BRI3: variants seen among roughly 807,000 people sequenced by gnomAD.
BRI3 encodes the protein brain protein I3.
In BRI3, 6 loss-of-function variants were observed where a neutral mutation model predicts 12.8. The observed-to-expected ratio is 0.47, with a 90% CI of 0.26 to 0.93. BRI3 has a LOEUF of 0.93. Among genes scored for constraint, BRI3 ranks in the 40% least tolerant of loss-of-function variants. The pLI is 0.15. For missense variants in BRI3, 134 were observed against 171.1 expected, an observed-to-expected ratio of 0.78 and a Z score of 1.21; for synonymous variants, 91 against 76.1, an observed-to-expected ratio of 1.20 and a Z score of -1.02.
upstream of BRI3, chr7:98,304,143 A>G (rs1352600851): frequency 7.4e-6 from 11 of 1,484,652 alleles, no homozygotes; most frequent in Non-Finnish European, 9.9e-6. Flanking sequence ...TGCGCCTCCC[A>G]GTCGGGGATG....
At chr7:98,319,309 T>G in the BRI3 span, among the ~76,000 whole-genome samples, 16 of 152,078 alleles carry the variant, frequency 1.1e-4, no homozygotes, top group African/African-American at 3.9e-4. Flanking sequence ...TGGACAAAAG[T>G]GGATAGAGAA....
At chr7:98,293,821 C>T (rs1800069102), downstream of BRI3, among the ~76,000 whole-genome samples, 2 of 152,230 alleles carry the variant, frequency 1.3e-5, no homozygotes, top group South Asian at 2.1e-4. Flanking sequence ...GCGTTCTGGA[C>T]GTGGGCACCC....
chr7:98,322,220 G>C, the BRI3 span, among the ~76,000 whole-genome samples: 16 of 152,266 alleles, frequency 1.1e-4, no homozygotes, highest in African/African-American at 3.6e-4. Flanking sequence ...CCTCGGCTAT[G>C]ATCACCATAC....
At chr7:98,312,300 A>T (rs750628820), downstream of BRI3, 2 of 1,568,624 alleles carry the variant, frequency 1.3e-6, no homozygotes, top group East Asian at 2.3e-5. Context: ...AAGACAAAGA[A>T]GATTGTCTGA....
downstream of BRI3, among the ~76,000 whole-genome samples, chr7:98,314,296 A>T (rs1021893024): frequency 6.6e-6 from 1 of 152,158 alleles, no homozygotes; most frequent in Admixed American, 6.6e-5. Context: ...AATATTCCTT[A>T]AAGTTGTAAA....
downstream of BRI3, among the ~76,000 whole-genome samples, chr7:98,296,181 TC>T (rs1313201434): frequency 1.3e-5 from 2 of 151,784 alleles, no homozygotes; most frequent in Admixed American, 6.6e-5. Context: ...GCTTGGGGAG[TC>T]TGGTGTTGGA....
At chr7:98,284,705 G>A (rs1489709291) in intron 2 of BRI3, among the ~76,000 whole-genome samples, 1 of 152,230 alleles carries the variant, frequency 6.6e-6, no homozygotes, top group Non-Finnish European at 1.5e-5. Flanking sequence ...AGAGAAGCCC[G>A]TGTCCCTTGT....
downstream of BRI3, chr7:98,292,246 AAC>A (rs1237658737): frequency 1.1e-4 from 27 of 255,372 alleles, no homozygotes; most frequent in Non-Finnish European, 1.9e-4. Context: ...AGCACCCAGC[AAC>A]ACACACGGTG....
intron 2 of BRI3, among the ~76,000 whole-genome samples, chr7:98,285,917 C>T (rs1010445593): frequency 2.6e-5 from 4 of 152,280 alleles, no homozygotes; most frequent in East Asian, 1.9e-4. Context: ...CCCTGCGTCT[C>T]CCCTTTTCCT....
At chr7:98,315,382 C>A, downstream of BRI3, 1 of 1,284,218 alleles carries the variant, frequency 7.8e-7, no homozygotes, top group Admixed American at 3.1e-5. Flanking sequence ...AGGCGTGGGC[C>A]ACGGCCCAGC....
chr7:98,303,435 G>C (rs1387004296), upstream of BRI3, among the ~76,000 whole-genome samples: 2 of 152,168 alleles, frequency 1.3e-5, no homozygotes, highest in Middle Eastern at 3.2e-3. Context: ...AACCCAGCCC[G>C]GGAGTGATGT....
At chr7:98,314,790 G>A (rs1471426558), downstream of BRI3, among the ~76,000 whole-genome samples, 3 of 152,160 alleles carry the variant, frequency 2.0e-5, no homozygotes, top group South Asian at 2.1e-4. Context: ...ACCTGGGCCC[G>A]CTGGGACTCA....
the BRI3 span, among the ~76,000 whole-genome samples, chr7:98,319,877 T>C: frequency 6.6e-6 from 1 of 152,066 alleles, no homozygotes; most frequent in Admixed American, 6.6e-5. Flanking sequence ...AGATCCCAAG[T>C]GTTAGCGAAA....
chr7:98,287,298 G>T (rs1265331329), intron 2 of BRI3, among the ~76,000 whole-genome samples: 1 of 152,238 alleles, frequency 6.6e-6, no homozygotes, highest in African/African-American at 2.4e-5. Context: ...GGATAGGGAG[G>T]CTGCCTTAGG....
upstream of BRI3, chr7:98,304,094 C>A: frequency 7.8e-7 from 1 of 1,274,788 alleles, no homozygotes; most frequent in South Asian, 1.8e-5. Context: ...CCACTCTCCC[C>A]CTGGGGACAG....
upstream of BRI3, among the ~76,000 whole-genome samples, chr7:98,305,239 T>C (rs1169410178): frequency 6.6e-6 from 1 of 151,652 alleles, no homozygotes; most frequent in African/African-American, 2.4e-5. Flanking sequence ...CCTTTTAAAT[T>C]AGGGGCTGGC....
chr7:98,292,787 G>A (rs1800023995), downstream of BRI3: 3 of 1,544,330 alleles, frequency 1.9e-6, no homozygotes, highest in Non-Finnish European at 2.6e-6. Context: ...AAGGAGCCGT[G>A]ACTCCGACGC....
chr7:98,316,050 C>T, the BRI3 span, among the ~76,000 whole-genome samples: 1 of 152,088 alleles, frequency 6.6e-6, no homozygotes, highest in South Asian at 2.1e-4. Flanking sequence ...GGGGAGGGAC[C>T]TGGTGGGAGG....
chr7:98,315,348 A>C, downstream of BRI3: 1 of 1,061,812 alleles, frequency 9.4e-7, no homozygotes, highest in East Asian at 3.0e-5. Flanking sequence ...GGCCCACCTC[A>C]GCCTCCCAAA....
Sources: allele counts gnomAD v4.1 joint callset (sites outside exome capture counted in the v4.1 genomes callset), GRCh38; gene constraint gnomAD v4.1.1; transcripts MANE v1.5; gene names NCBI Gene and HGNC (gene_info 2026-07-23, HGNC 2026-07-21).